The following RESP18 variants were observed in gnomAD, a reference collection of about 807,000 sequenced individuals.
RESP18 encodes the protein regulated endocrine specific protein 18.
In RESP18, 30 loss-of-function variants were observed where a neutral mutation model predicts 30.0. That is an observed-to-expected ratio of 1.00 (90% confidence interval 0.75 to 1.36). The LOEUF (loss-of-function observed/expected upper bound fraction) is 1.36. Ranked by LOEUF, RESP18 falls within the 40% of genes most tolerant of loss-of-function variation. The pLI is 0.00. For synonymous variants in RESP18, 117 were observed against 111.2 expected, an observed-to-expected ratio of 1.05 and a Z score of -0.33; for missense variants, 320 against 284.2, an observed-to-expected ratio of 1.13 and a Z score of -0.91.
In RESP18 at chr2:219,330,999, C is replaced by T. The variant is rs112109888; in HGVS notation, c.233-124G>A. ...CTGACCTCTGTTCCCACTACCAGGC[C>T]GCTTTGTCCACTTCAAGTCTTCTTT... On this transcript the variant is annotated intron_variant, in intron 2 of 6. Transcript: ENST00000333527. 1.2e-3 allele frequency: 792 copies of T among 634,088 alleles called. 10 individuals are homozygous for T. Among genetic ancestry groups the T allele is most frequent in the African/African-American group, 0.012 (641 of 54,086 alleles). The allele number at this position is 634,088 out of a possible 1,614,324, so 39.3% of individuals were successfully genotyped here. A position where few individuals can be genotyped will look rare whatever the true frequency, so the allele number is the denominator to read the frequency against.
At chr2:219,328,334 A>T (rs1413528368) in intron 6 of RESP18, among the ~76,000 whole-genome samples, 1 of 152,128 alleles carries the variant, frequency 6.6e-6, no homozygotes, top group Non-Finnish European at 1.5e-5. Flanking sequence ...TTAACATGAC[A>T]TGGTATGGGT....
At chr2:219,331,129 G>T (rs957808225) in intron 2 of RESP18, 1 of 393,436 alleles carries the variant, frequency 2.5e-6, no homozygotes, top group Non-Finnish European at 4.6e-6. Context: ...AGAGCAGCCT[G>T]TAGAAGTTCA....
chr2:219,329,115 C>T, intron 5 of RESP18, 48 bp downstream of exon 4: 2 of 1,512,302 alleles, frequency 1.3e-6, no homozygotes, highest in Non-Finnish European at 1.8e-6. Flanking sequence ...CTATCTGCCT[C>T]CCTCATTTAA....
Position 219,332,724 on chromosome 2 carries a change from C to T in RESP18, c.32G>A (p.Gly11Asp). The stretch of plus-strand genomic sequence containing the variant: ...GAGCGGGGCTGCAGCTTCCCACCAG[C>T]CCGCGACTCCGAATCTGTTTAACCC... Residue 11 changes from glycine (G) to aspartate (D), a missense_variant, in exon 2 of 7, where the codon GGC becomes GAC. Gly to Asp is a moderately conservative substitution (Grantham distance 94, BLOSUM62 -1). Coordinates refer to ENST00000333527, the MANE Select transcript of RESP18 (RefSeq NM_001007089.4). 2 of 1,545,694 alleles carry T rather than the reference C, an allele frequency of 1.3e-6. No homozygotes were observed. The highest frequency in any genetic ancestry group is 1.7e-6 in the Non-Finnish European group (2 of 1,143,462).
rs1219629096 is a variant in RESP18 at position 219,328,981 on chromosome 2, G to GC, written c.582dup (p.Leu195AlafsTer11). 4 of 1,550,964 alleles carry GC rather than the reference G, an allele frequency of 2.6e-6. No individual in the cohort carries two copies. The East Asian group carries it at 7.3e-5, about 28-fold the overall frequency. ...GGTCCCGGCGCCTGCATCATGTCCA[G>GC]CCCCCCATATGAACACCTATAGGTA... On this transcript the variant is annotated frameshift_variant, in exon 6 of 7. Transcript: ENST00000333527. LOFTEE classifies it high-confidence loss of function.
intron 4 of RESP18, 47 bp downstream of exon 3, chr2:219,329,590 C>G: frequency 6.5e-7 from 1 of 1,548,376 alleles, no homozygotes; most frequent in Non-Finnish European, 8.7e-7. Flanking sequence ...CCTGTTCCGT[C>G]TGTCTGCCAG....
Position 219,329,194 on chromosome 2 carries a change from G to A in RESP18, c.524C>T (p.Ala175Val), listed in dbSNP as rs1445938604. The change falls in exon 5 of 7, where the codon GCC becomes GTC. Residue 175 changes from alanine (A) to valine (V), a missense_variant. Ala to Val is a moderately conservative substitution (Grantham distance 64, BLOSUM62 0). Coordinates refer to ENST00000333527, the MANE Select transcript of RESP18 (RefSeq NM_001007089.4). ...AGGGTTGGCCACCTCTTGTTTCAGG[G>A]CCTTAGAAACCACTTCGGAGGTAAA... The A allele has an allele frequency of 5.2e-6, 8 of 1,551,544 alleles. No homozygotes were observed. In the Admixed American group the frequency reaches 1.4e-4, roughly 27 times the overall value.
intron 3 of RESP18, among the ~76,000 whole-genome samples, chr2:219,330,530 G>T (rs1024424674): frequency 1.5e-5 from 2 of 136,644 alleles, no homozygotes; most frequent in Admixed American, 1.4e-4. Flanking sequence ...GCCGTTTTCA[G>T]TTTTGTTTTT....
intron 3 of RESP18, among the ~76,000 whole-genome samples, chr2:219,330,535 G>GTT (rs372888836): frequency 7.6e-6 from 1 of 131,032 alleles, no homozygotes; most frequent in South Asian, 2.2e-4. Context: ...TTTCAGTTTT[G>GTT]TTTTTTTTTT....
intron 6 of RESP18, among the ~76,000 whole-genome samples, chr2:219,328,358 C>T (rs895747465): frequency 2.0e-5 from 3 of 152,056 alleles, no homozygotes; most frequent in Non-Finnish European, 2.9e-5. Flanking sequence ...TCAGGACATT[C>T]GTAGTGGCAA....
chr2:219,332,656 C>G lies in RESP18; in HGVS notation c.100G>C (p.Gly34Arg). 6 of 1,551,344 alleles carry G rather than the reference C, an allele frequency of 3.9e-6. No individual in the cohort carries two copies. The highest frequency in any genetic ancestry group is 5.2e-6 in the Non-Finnish European group (6 of 1,146,954). Residue 34 changes from glycine to arginine, a missense_variant, in exon 2 of 7, where the codon GGG (glycine) becomes CGG (arginine). Gly to Arg is a moderately radical substitution (Grantham distance 125). Coordinates refer to ENST00000333527, the MANE Select transcript of RESP18 (RefSeq NM_001007089.4). Reference sequence around the variant, plus strand: ...CTCCCAGGCTCGGCGCGCTCACTCCCCGGCCAAGTCTCAGTGAAGGTAGCG... The same window carrying G: ...CTCCCAGGCTCGGCGCGCTCACTCCGCGGCCAAGTCTCAGTGAAGGTAGCG...
chr2:219,330,721 C>T (rs1204393657), intron 3 of RESP18, 50 bp downstream of exon 2: 1 of 1,215,756 alleles, frequency 8.2e-7, no homozygotes, highest in Admixed American at 2.1e-5. Flanking sequence ...CTCTTCCCCC[C>T]TCCCCATCTC....
Position 219,329,714 on chromosome 2 carries a change from C to G in RESP18, c.388G>C (p.Glu130Gln), listed in dbSNP as rs747501478. ...TGGGGATGCAGTCTGCTGGCATGCT[C>G]CATCTTTTGGATCATTGCATCCTGG... Residue 130 changes from glutamate to glutamine, a missense_variant, in exon 4 of 7, where the codon GAG (glutamate) becomes CAG (glutamine). By Grantham distance (29) the Glu-to-Gln change is conservative. Transcript: ENST00000333527. The G allele has an allele frequency of 3.2e-6, 5 of 1,551,520 alleles. No individual in the cohort carries two copies. Among genetic ancestry groups the G allele is most frequent in the African/African-American group, 2.7e-5 (2 of 73,024 alleles).
At chr2:219,332,248 C>T (rs1952839079) in intron 2 of RESP18, among the ~76,000 whole-genome samples, 1 of 152,174 alleles carries the variant, frequency 6.6e-6, no homozygotes, top group African/African-American at 2.4e-5. Context: ...GCCACATAGG[C>T]CAGTTTTACC....
chr2:219,329,338 G>A, intron 4 of RESP18, 86 bp from the exon 4 acceptor site: 3 of 1,551,700 alleles, frequency 1.9e-6, no homozygotes, highest in Non-Finnish European at 2.6e-6. Flanking sequence ...ACAAAGTCAG[G>A]GATTCACAAT....
chr2:219,330,144 T>G (rs144959187), intron 3 of RESP18, among the ~76,000 whole-genome samples: 211 of 152,326 alleles, frequency 1.4e-3, no homozygotes, highest in African/African-American at 4.8e-3. Flanking sequence ...TGTGGTGAAG[T>G]TCAAAAATTC....
chr2:219,329,324 G>A lies in RESP18; in HGVS notation c.466-72C>T. On this transcript the variant is annotated intron_variant, in intron 4 of 6. Transcript: ENST00000333527. ...AGAGGGCCCCACAGGAAAAGCAATT[G>A]GATACAAAGTCAGGGATTCACAATT... 3 of 1,551,728 alleles carry A rather than the reference G, an allele frequency of 1.9e-6. No individual in the cohort carries two copies. In the South Asian group the frequency reaches 3.6e-5, roughly 18 times the overall value.
intron 2 of RESP18, 52 bp from the exon 2 acceptor site, chr2:219,330,927 TC>T: frequency 9.2e-7 from 1 of 1,084,156 alleles, no homozygotes; most frequent in Non-Finnish European, 1.4e-6. Flanking sequence ...GCCTTCCACA[TC>T]CCAGTTGAAG....
rs1009165558 is a variant in RESP18, at chr2:219,328,982, C to T, written c.582G>A (p.Gly194=). 6.4e-6 allele frequency: 10 copies of T among 1,550,642 alleles called. No individual in the cohort carries two copies. The highest frequency in any genetic ancestry group is 8.7e-6 in the Non-Finnish European group (10 of 1,145,972). Residue 194 remains glycine (G), a synonymous_variant, in exon 6 of 7, where the codon GGG becomes GGA. Coordinates refer to ENST00000333527, the MANE Select transcript of RESP18 (RefSeq NM_001007089.4). Reference sequence around the variant, plus strand: ...GTCCCGGCGCCTGCATCATGTCCAGCCCCCCATATGAACACCTATAGGTAA... The same window carrying T: ...GTCCCGGCGCCTGCATCATGTCCAGTCCCCCATATGAACACCTATAGGTAA...
Sources: gnomAD v4.1 joint callset for allele counts (sites outside exome capture counted in the v4.1 genomes callset) on GRCh38, gnomAD v4.1.1 for gene constraint, MANE v1.5 for transcripts, NCBI Gene and HGNC (gene_info 2026-07-23, HGNC 2026-07-21) for gene names.